The following CLSPN variants were observed in gnomAD, a reference collection of about 807,000 sequenced individuals.
CLSPN encodes the protein claspin homolog.
Under a neutral mutation model 156.3 loss-of-function variants are expected in CLSPN, and 85 were observed. The observed-to-expected ratio is 0.54, with a 90% CI of 0.46 to 0.65. The LOEUF (loss-of-function observed/expected upper bound fraction) is 0.65, where lower values mean the gene tolerates loss of function less well. CLSPN is among the 30% of genes least tolerant of loss of function. CLSPN has a pLI of 0.00. For synonymous variants in CLSPN, 534 were observed against 542.4 expected, an observed-to-expected ratio of 0.98 and a Z score of 0.22; for missense variants, 1,407 against 1,554.9, an observed-to-expected ratio of 0.90 and a Z score of 1.60.
At position 35,725,307 on chromosome 1, in the gene CLSPN, A is replaced by G. The variant is rs373043092; in HGVS notation, c.3910-4327T>C. 5.9e-5 allele frequency among the ~76,000 whole-genome samples: 9 copies of G among 152,272 alleles called. No homozygotes were observed. In the South Asian group the frequency reaches 1.0e-3, roughly 18 times the overall value. ...AGCTGCTGGAAGAATGAAAGGTAAT[A>G]TAAATTCTTTCTCTCCAGTGCACTC... On this transcript the variant is annotated intron_variant, in intron 24 of 24. Coordinates refer to the CLSPN transcript ENST00000251195.
chr1:35,753,538 C>T (rs540230195), intron 9 of CLSPN, among the ~76,000 whole-genome samples: 7 of 151,234 alleles, frequency 4.6e-5, no homozygotes, highest in South Asian at 2.1e-4. Context: ...TATAATAAGA[C>T]AAATGATATC....
intron 17 of CLSPN, 84 bp from the exon 18 acceptor site, chr1:35,743,325 A>G: frequency 7.3e-7 from 1 of 1,365,376 alleles, no homozygotes; most frequent in Admixed American, 1.9e-5. Context: ...CTGCCCAAAT[A>G]CCTCATTCTA....
At chr1:35,756,874 C>G (rs769397039) in intron 8 of CLSPN, among the ~76,000 whole-genome samples, 1 of 152,162 alleles carries the variant, frequency 6.6e-6, no homozygotes, top group Non-Finnish European at 1.5e-5. Context: ...AAGTGAGTAT[C>G]TGATTGAACA....
At chr1:35,727,565 G>C (rs1641220972), downstream of CLSPN, among the ~76,000 whole-genome samples, 1 of 152,190 alleles carries the variant, frequency 6.6e-6, no homozygotes. Flanking sequence ...TTTAGATCAT[G>C]CCTCAGGCTG....
intron 16 of CLSPN, among the ~76,000 whole-genome samples, chr1:35,743,856 A>G (rs1641781882): frequency 6.6e-6 from 1 of 152,170 alleles, no homozygotes; most frequent in African/African-American, 2.4e-5. Flanking sequence ...TTCTGGATTC[A>G]AGCAATCTGC....
intron 1 of CLSPN, among the ~76,000 whole-genome samples, chr1:35,767,236 T>C (rs1174328508): frequency 6.6e-6 from 1 of 152,196 alleles, no homozygotes; most frequent in Non-Finnish European, 1.5e-5. Flanking sequence ...GAAATATCTC[T>C]GAGTCAAAGA....
chr1:35,736,825 A>T, intron 24 of CLSPN, 89 bp downstream of exon 24: 12 of 1,444,414 alleles, frequency 8.3e-6, no homozygotes, highest in Non-Finnish European at 1.1e-5. Context: ...TGCAGCATAG[A>T]GGTTAAGCCA....
At chr1:35,721,881 G>A (rs1394636742) in intron 24 of CLSPN, among the ~76,000 whole-genome samples, 1 of 150,104 alleles carries the variant, frequency 6.7e-6, no homozygotes, top group Non-Finnish European at 1.5e-5. Flanking sequence ...GCTCACACCT[G>A]TAATCCCAGC....
intron 18 of CLSPN, among the ~76,000 whole-genome samples, chr1:35,740,649 C>T (rs1557503797): frequency 6.6e-6 from 1 of 152,008 alleles, no homozygotes; most frequent in Non-Finnish European, 1.5e-5. Context: ...GAACTCCTGA[C>T]CTCAGGGGAT....
In CLSPN at chr1:35,763,689, G is replaced by A. The variant is rs114002925; in HGVS notation, c.583-368C>T. Among the ~76,000 whole-genome samples, 372 of 152,072 alleles carry A rather than the reference G, an allele frequency of 2.4e-3. 4 individuals carry two copies. The highest frequency in any genetic ancestry group is 8.7e-3 in the African/African-American group (360 of 41,472). On this transcript the variant is annotated intron_variant, in intron 3 of 24. Transcript: ENST00000318121. ...TTTTCATCAGCTCAGAGACAGCAAA[G>A]AATTACTCCATGTGCTCATAAAGAA...
At chr1:35,766,894 A>G (rs563037689) in intron 1 of CLSPN, among the ~76,000 whole-genome samples, 2 of 151,658 alleles carry the variant, frequency 1.3e-5, no homozygotes, top group South Asian at 4.2e-4. Context: ...AGCTGGGATT[A>G]CAGGTGCGTG....
At position 35,735,003 on chromosome 1, in the gene CLSPN, G is replaced by A. The variant is rs930553043; in HGVS notation, c.*1493C>T. 2.0e-6 allele frequency: 2 copies of A among 985,228 alleles called. No homozygotes were observed. The highest frequency in any genetic ancestry group is 2.4e-6 in the Non-Finnish European group (2 of 829,886). The allele number at this position is 985,228 out of a possible 1,614,324, so 61.0% of individuals were successfully genotyped here. A position where few individuals can be genotyped will look rare whatever the true frequency, so the allele number is the denominator to read the frequency against. ...TAATATTTTTATTAAATTCCATGGTGGCCTTCTCTCAAAATTAGTAATGAA... is the reference window on the plus strand; with the variant it reads ...TAATATTTTTATTAAATTCCATGGTAGCCTTCTCTCAAAATTAGTAATGAA... On this transcript the variant is annotated 3_prime_UTR_variant, in exon 25 of 25. Coordinates refer to ENST00000318121, the MANE Select transcript of CLSPN (RefSeq NM_022111.4).
chr1:35,758,424 C>T (rs1340115866), intron 8 of CLSPN, among the ~76,000 whole-genome samples: 2 of 152,106 alleles, frequency 1.3e-5, no homozygotes, highest in Non-Finnish European at 1.5e-5. Context: ...GCAGGCAGAT[C>T]ACCTAAGGTC....
chr1:35,749,356 C>T, intron 12 of CLSPN, 111 bp downstream of exon 12: 1 of 983,898 alleles, frequency 1.0e-6, no homozygotes, highest in Non-Finnish European at 1.5e-6. Context: ...ACATATGAAA[C>T]TGGGAAGTGA....
intron 18 of CLSPN, among the ~76,000 whole-genome samples, chr1:35,741,221 A>T (rs1291982174): frequency 6.6e-6 from 1 of 152,236 alleles, no homozygotes; most frequent in Non-Finnish European, 1.5e-5. Context: ...CTATATAAAA[A>T]TATATGCATA....
rs1641379880 is a variant in CLSPN at position 35,733,803 on chromosome 1, C to A, written c.*2693G>T. On this transcript the variant is annotated 3_prime_UTR_variant, in exon 25 of 25. Coordinates refer to ENST00000318121, the MANE Select transcript of CLSPN (RefSeq NM_022111.4). Reference sequence around the variant, plus strand: ...GATCAGCTGGGGCAACACAGCAAGACCCTGTCTCTACTAAAATAAAATAAT... The same window carrying A: ...GATCAGCTGGGGCAACACAGCAAGAACCTGTCTCTACTAAAATAAAATAAT... 1 of 599,738 alleles carries A rather than the reference C, an allele frequency of 1.7e-6. No individual in the cohort carries two copies. The highest frequency in any genetic ancestry group is 2.1e-6 in the Non-Finnish European group (1 of 478,870). 37.2% of individuals were successfully genotyped at this position (599,738 alleles called of 1,614,324 possible). A position where few individuals can be genotyped will look rare whatever the true frequency, so the allele number is the denominator to read the frequency against.
chr1:35,753,185 T>C (rs1642151518), intron 9 of CLSPN, among the ~76,000 whole-genome samples: 1 of 152,102 alleles, frequency 6.6e-6, no homozygotes, highest in Admixed American at 6.6e-5. Flanking sequence ...CTCAACCTCC[T>C]GGCTCAAATG....
intron 8 of CLSPN, among the ~76,000 whole-genome samples, chr1:35,757,846 A>G (rs901560053): frequency 1.3e-5 from 2 of 152,178 alleles, no homozygotes; most frequent in African/African-American, 4.8e-5. Context: ...AATACGCACC[A>G]CCATGCAGAG....
intron 17 of CLSPN, 27 bp from the exon 18 acceptor site, chr1:35,743,268 T>C: frequency 6.4e-7 from 1 of 1,565,150 alleles, no homozygotes; most frequent in Non-Finnish European, 8.8e-7. Flanking sequence ...ATATCCAAAT[T>C]AAGCAGAATA....
Sources: gnomAD v4.1 joint callset for allele counts (sites outside exome capture counted in the v4.1 genomes callset) on GRCh38, gnomAD v4.1.1 for gene constraint, MANE v1.5 for transcripts, NCBI Gene and HGNC (gene_info 2026-07-23, HGNC 2026-07-21) for gene names.